NFKB1: variants seen among roughly 807,000 people sequenced by gnomAD.
The protein encoded by NFKB1 is nuclear factor kappa B subunit 1, also known as nuclear factor NF-kappa-B p105 subunit.
In NFKB1, 9 loss-of-function variants were observed where a neutral mutation model predicts 105.1. The ratio of observed to expected loss-of-function variants is 0.09; its 90% CI spans 0.05 to 0.15. NFKB1 has a LOEUF of 0.15. NFKB1 is among the 10% of genes least tolerant of loss of function. The pLI, the probability that NFKB1 is intolerant of heterozygous loss-of-function variation, is 1.00. For missense variants in NFKB1, 830 were observed against 1,203.7 expected (o/e 0.69, Z 4.59); for synonymous variants, 440 against 442.2 (o/e 1.00, Z 0.06).
At chr4:102,612,233 T>C in intron 21 of NFKB1, 123 bp downstream of exon 21, 1 of 995,416 alleles carries the variant, frequency 1.0e-6, no homozygotes, top group Non-Finnish European at 1.5e-6. Context: ...CAAAAGATGC[T>C]GGAGGTAGAT....
At chr4:102,596,399 A>G (rs4648066) in intron 14 of NFKB1, 67 bp downstream of exon 14, 30 of 1,244,790 alleles carry the variant, frequency 2.4e-5, no homozygotes, top group East Asian at 7.4e-5. Flanking sequence ...GTGCAGAAAG[A>G]TATCTGCTAA....
intron 11 of NFKB1, among the ~76,000 whole-genome samples, chr4:102,587,745 C>CAT (rs893564484): frequency 1.1e-4 from 17 of 151,734 alleles, no homozygotes; most frequent in South Asian, 1.0e-3. Flanking sequence ...GAATGGACAA[C>CAT]ATATATATAT....
chr4:102,605,834 G>A (rs1009338776), intron 16 of NFKB1, among the ~76,000 whole-genome samples: 4 of 152,200 alleles, frequency 2.6e-5, no homozygotes, highest in African/African-American at 9.7e-5. Context: ...TCAGGAGCCA[G>A]TCCATGGGAC....
chr4:102,605,465 A>G (rs1291565994), intron 16 of NFKB1, among the ~76,000 whole-genome samples: 2 of 152,236 alleles, frequency 1.3e-5, no homozygotes, highest in African/African-American at 4.8e-5. Context: ...GCAAATTGTC[A>G]CAAGACTGGC....
At chr4:102,554,750 A>T (rs192825367) in intron 5 of NFKB1, among the ~76,000 whole-genome samples, 12 of 152,232 alleles carry the variant, frequency 7.9e-5, no homozygotes, top group Admixed American at 6.5e-4. Flanking sequence ...GAGATCACAC[A>T]GGGCCAGCAG....
chr4:102,523,223 A>G (rs1042051269), intron 1 of NFKB1, among the ~76,000 whole-genome samples: 1 of 152,212 alleles, frequency 6.6e-6, no homozygotes, highest in African/African-American at 2.4e-5. Flanking sequence ...CTATCAGGTC[A>G]AATTTCCCTT....
intron 6 of NFKB1, among the ~76,000 whole-genome samples, chr4:102,573,438 A>G (rs1037221167): frequency 1.3e-5 from 2 of 151,154 alleles, no homozygotes; most frequent in African/African-American, 2.4e-5. Context: ...TCTGTATATA[A>G]TTTTTTTTTC....
At position 102,593,517 on chromosome 4, in the gene NFKB1, G is replaced by A; in HGVS notation, c.1159G>A (p.Gly387Ser). The A allele has an allele frequency of 1.9e-6, 3 of 1,613,606 alleles. No individual in the cohort carries two copies. Among genetic ancestry groups the A allele is most frequent in the Non-Finnish European group, 2.5e-6 (3 of 1,179,628 alleles). ...GGSGAGAGGG[G>S]MFGSGGGGGG... ...TAGTGGTGCTGGAGCTGGAGGCGGA[G>A]GCATGTTTGGTAGTGGCGGTGGAGG... The change falls in exon 12 of 24, where the codon GGC (glycine) becomes AGC (serine). Residue 387 changes from glycine to serine, a missense_variant. Gly to Ser is a moderately conservative substitution (Grantham distance 56). Around this residue, in one of 8 missense-constraint regions of NFKB1, gnomAD observed 163 missense variants for 164.3 expected, o/e 0.99. Transcript: ENST00000226574.
intron 1 of NFKB1, among the ~76,000 whole-genome samples, chr4:102,520,450 G>A (rs1286484506): frequency 6.6e-6 from 1 of 152,066 alleles, no homozygotes; most frequent in African/African-American, 2.4e-5. Context: ...CATACCTGTT[G>A]GATTGACATT....
At chr4:102,510,930 G>C in intron 1 of NFKB1, 1 of 1,284,896 alleles carries the variant, frequency 7.8e-7, no homozygotes, top group Non-Finnish European at 1.0e-6. Flanking sequence ...ATATCTTGGA[G>C]ATATGAAAAG....
At chr4:102,554,702 C>G (rs1452562023) in intron 5 of NFKB1, among the ~76,000 whole-genome samples, 4 of 152,294 alleles carry the variant, frequency 2.6e-5, no homozygotes, top group African/African-American at 9.6e-5. Context: ...CCTCCTCATG[C>G]AGCTGTCTTG....
intron 4 of NFKB1, 27 bp from the exon 5 acceptor site, chr4:102,537,829 CTT>C (rs770555496): frequency 5.8e-6 from 8 of 1,380,104 alleles, no homozygotes; most frequent in South Asian, 1.2e-5. Flanking sequence ...ATTTCTCAAA[CTT>C]AATTGGCTTA....
Position 102,612,502 on chromosome 4 carries a change from G to A in NFKB1, c.2488G>A (p.Asp830Asn), listed in dbSNP as rs750069260. The change falls in exon 22 of 24, where the codon GAC becomes AAC. Residue 830 changes from aspartate to asparagine, a missense_variant. By Grantham distance (23) the Asp-to-Asn change is conservative. Transcript: ENST00000226574. ...TAAGTTACTAGAAATTCCTGATCCAGACAAAAACTGGGCTACTCTGGCGCA... is the reference window on the plus strand; with the variant it reads ...TAAGTTACTAGAAATTCCTGATCCAAACAAAAACTGGGCTACTCTGGCGCA... ...LYKLLEIPDP[D>N]KNWATLAQKL... 6 of 1,613,858 alleles carry A rather than the reference G, an allele frequency of 3.7e-6. No individual in the cohort carries two copies. In the African/African-American group the frequency reaches 4.0e-5, roughly 11 times the overall value.
intron 14 of NFKB1, among the ~76,000 whole-genome samples, chr4:102,596,669 T>G (rs757464028): frequency 2.0e-5 from 3 of 152,220 alleles, no homozygotes; most frequent in Non-Finnish European, 4.4e-5. Flanking sequence ...AGTCACCCTG[T>G]CTAGATTCTG....
intron 1 of NFKB1, among the ~76,000 whole-genome samples, chr4:102,524,313 T>G (rs929744262): frequency 2.0e-5 from 3 of 152,196 alleles, no homozygotes; most frequent in African/African-American, 7.2e-5. Flanking sequence ...TATTAATGTT[T>G]AGCTGGAGTT....
intron 3 of NFKB1, among the ~76,000 whole-genome samples, chr4:102,531,231 C>T (rs923481636): frequency 6.6e-6 from 1 of 152,072 alleles, no homozygotes; most frequent in African/African-American, 2.4e-5. Context: ...TCAAGATAAC[C>T]ATCTCAGTAA....
Position 102,529,932 on chromosome 4 carries a change from T to A in NFKB1, c.118+18T>A, listed in dbSNP as rs546110276. On this transcript the variant is annotated intron_variant, in intron 3 of 23. Transcript: ENST00000226574. ...GCCAACAGGTAAGAAAACTCATCCC[T>A]GTTACCCTGTTGTTCTGCTTTCAGT... 7.0e-6 allele frequency: 11 copies of A among 1,564,966 alleles called. No individual in the cohort carries two copies. The African/African-American group carries it at 1.5e-4, about 21-fold the overall frequency.
rs554252394 is a variant in NFKB1, at chr4:102,577,770, C to G, written c.571+731C>G. 3 of 966,042 alleles carry G rather than the reference C, an allele frequency of 3.1e-6. No homozygotes were observed. The African/African-American group carries it at 5.3e-5, about 17-fold the overall frequency. The allele number at this position is 966,042 out of a possible 1,614,324, so 59.8% of individuals were successfully genotyped here. ...TGACTCCCCCTCCTCGCCTGTGCTGCGAGGCTGTGGTCCAGCCATTCCGTG... is the reference window on the plus strand; with the variant it reads ...TGACTCCCCCTCCTCGCCTGTGCTGGGAGGCTGTGGTCCAGCCATTCCGTG... On this transcript the variant is annotated intron_variant, in intron 7 of 23. Coordinates refer to ENST00000226574, the MANE Select transcript of NFKB1 (RefSeq NM_003998.4).
At chr4:102,607,022 C>T (rs1373105608) in intron 17 of NFKB1, 128 bp from the exon 18 acceptor site, 2 of 945,266 alleles carry the variant, frequency 2.1e-6, no homozygotes, top group Non-Finnish European at 3.5e-6. Context: ...CAAAGCAGAA[C>T]AATAGACTTA....
Sources: gnomAD v4.1 joint callset for allele counts (sites outside exome capture counted in the v4.1 genomes callset) on GRCh38, gnomAD v4.1.1 for gene constraint, gnomAD v4.1.1 regional missense constraint, MANE v1.5 for transcripts, NCBI Gene and HGNC (gene_info 2026-07-23, HGNC 2026-07-21) for gene names.